The following STXBP5L variants were observed in gnomAD, a reference collection of about 807,000 sequenced individuals.
STXBP5L encodes syntaxin binding protein 5L, also known as syntaxin-binding protein 5-like.
STXBP5L carries 65 observed loss-of-function variants against 144.5 expected under a neutral mutation model. That is an observed-to-expected ratio of 0.45 (90% CI 0.37 to 0.55). The LOEUF (loss-of-function observed/expected upper bound fraction) is 0.55. Among genes scored for constraint, STXBP5L ranks in the 20% least tolerant of loss-of-function variants. The probability of loss-of-function intolerance (pLI) is 0.00; values close to 1 mark genes in which losing one functional copy is unlikely to be tolerated. For synonymous variants in STXBP5L, 505 were observed against 469.6 expected (o/e 1.08, Z -0.97); for missense variants, 1,298 against 1,405.5 (o/e 0.92, Z 1.22).
intron 5 of STXBP5L, among the ~76,000 whole-genome samples, chr3:121,064,475 A>G (rs1430433121): frequency 6.6e-6 from 1 of 152,186 alleles, no homozygotes; most frequent in African/African-American, 2.4e-5. Context: ...AAAATTCCAC[A>G]AACACCCTTG....
chr3:120,911,214 G>T (rs574702991), intron 2 of STXBP5L, among the ~76,000 whole-genome samples: 1 of 152,208 alleles, frequency 6.6e-6, no homozygotes. Context: ...AGGTCATAAA[G>T]CTTGTAGAGA....
intron 3 of STXBP5L, among the ~76,000 whole-genome samples, chr3:120,991,203 T>G (rs1358596889): frequency 6.6e-6 from 1 of 151,758 alleles, no homozygotes; most frequent in East Asian, 1.9e-4. Context: ...AAGAAGACAT[T>G]TATGCAGCCA....
chr3:121,083,321 A>G (rs760733095), intron 5 of STXBP5L, among the ~76,000 whole-genome samples: 6 of 152,176 alleles, frequency 3.9e-5, no homozygotes, highest in Non-Finnish European at 7.3e-5. Flanking sequence ...CTTTATTTAT[A>G]AATTTGAACG....
intron 19 of STXBP5L, chr3:121,282,267 C>A (rs754876025): frequency 1.1e-5 from 18 of 1,611,418 alleles, no homozygotes; most frequent in Non-Finnish European, 1.5e-5. Flanking sequence ...GTTCCAAAGA[C>A]AACTTTTGCA....
Position 121,114,912 on chromosome 3 carries a change from T to G in STXBP5L, c.471-13T>G. 4 of 1,464,708 alleles carry G rather than the reference T, an allele frequency of 2.7e-6. No homozygotes were observed. The highest frequency in any genetic ancestry group is 3.6e-6 in the Non-Finnish European group (4 of 1,103,190). 90.7% of individuals were successfully genotyped at this position (1,464,708 alleles called of 1,614,324 possible). A position where few individuals can be genotyped will look rare whatever the true frequency, so the allele number is the denominator to read the frequency against. On this transcript the variant is annotated splice_polypyrimidine_tract_variant and intron_variant, in intron 5 of 26. Coordinates refer to ENST00000471454, the MANE Select transcript of STXBP5L (RefSeq NM_001308330.2). ...AAATTTAGATATTTTAATTATAATT[T>G]TCTTTCTTTCAGAATTACTTACTGT...
chr3:121,005,133 C>G (rs1944168926), intron 3 of STXBP5L, among the ~76,000 whole-genome samples: 6 of 152,174 alleles, frequency 3.9e-5, no homozygotes, highest in Admixed American at 3.9e-4. Context: ...ATGTTACCAG[C>G]TCCTCCTTGT....
chr3:121,388,381 C>T (rs1174117384), intron 22 of STXBP5L, among the ~76,000 whole-genome samples: 2 of 152,156 alleles, frequency 1.3e-5, no homozygotes, highest in Non-Finnish European at 2.9e-5. Flanking sequence ...TAATTGAATA[C>T]CCCCTATTTC....
chr3:120,962,139 A>C (rs916726918), intron 3 of STXBP5L, among the ~76,000 whole-genome samples: 1 of 144,032 alleles, frequency 6.9e-6, no homozygotes, highest in Non-Finnish European at 1.5e-5. Flanking sequence ...TTTTCTGGTA[A>C]ATTTTTGTTT....
intron 3 of STXBP5L, among the ~76,000 whole-genome samples, chr3:121,008,685 A>T (rs1022641236): frequency 1.3e-5 from 2 of 152,018 alleles, no homozygotes; most frequent in African/African-American, 2.4e-5. Context: ...CTTTTAGCTT[A>T]TGTGATAATA....
chr3:120,944,803 A>G (rs1329334780), intron 2 of STXBP5L, among the ~76,000 whole-genome samples: 1 of 151,836 alleles, frequency 6.6e-6, no homozygotes, highest in East Asian at 1.9e-4. Flanking sequence ...CATATGCATT[A>G]TAGACCTTTT....
intron 5 of STXBP5L, among the ~76,000 whole-genome samples, chr3:121,071,529 G>A (rs558933704): frequency 6.6e-5 from 10 of 152,322 alleles, no homozygotes; most frequent in Non-Finnish European, 1.2e-4. Flanking sequence ...CACTGGTCCT[G>A]GATGGCAGCT....
At chr3:121,006,585 C>T (rs1330597865) in intron 3 of STXBP5L, among the ~76,000 whole-genome samples, 3 of 152,114 alleles carry the variant, frequency 2.0e-5, no homozygotes, top group Non-Finnish European at 4.4e-5. Context: ...GAATTTGATC[C>T]TGTCATTATG....
At chr3:121,093,586 G>A (rs898864941) in intron 5 of STXBP5L, among the ~76,000 whole-genome samples, 3 of 152,162 alleles carry the variant, frequency 2.0e-5, no homozygotes, top group African/African-American at 7.2e-5. Context: ...TTCGCTGATG[G>A]TAGTTTATAT....
At chr3:121,230,400 A>G (rs998331907) in intron 11 of STXBP5L, among the ~76,000 whole-genome samples, 2 of 151,532 alleles carry the variant, frequency 1.3e-5, no homozygotes, top group African/African-American at 4.9e-5. Context: ...TTATAAGCCA[A>G]TTTGGTACCA....
At chr3:121,343,594 T>C (rs1308047171) in intron 20 of STXBP5L, among the ~76,000 whole-genome samples, 1 of 152,132 alleles carries the variant, frequency 6.6e-6, no homozygotes, top group Non-Finnish European at 1.5e-5. Flanking sequence ...AGCATTCTTA[T>C]ACACCAATAA....
chr3:121,189,981 CT>C (rs1310378463), intron 9 of STXBP5L, among the ~76,000 whole-genome samples: 1 of 152,048 alleles, frequency 6.6e-6, no homozygotes, highest in Non-Finnish European at 1.5e-5. Context: ...CTTTAAGCAT[CT>C]TGGCATTCTG....
intron 18 of STXBP5L, among the ~76,000 whole-genome samples, chr3:121,273,706 G>A (rs1326319053): frequency 6.6e-6 from 1 of 151,874 alleles, no homozygotes; most frequent in Non-Finnish European, 1.5e-5. Flanking sequence ...GTGTTCTATA[G>A]GGTTTCTTTC....
intron 22 of STXBP5L, among the ~76,000 whole-genome samples, chr3:121,392,000 C>T (rs1210127810): frequency 2.0e-5 from 3 of 152,152 alleles, no homozygotes; most frequent in Non-Finnish European, 2.9e-5. Flanking sequence ...TCAGCTATGC[C>T]CTGCCCACAG....
chr3:121,353,060 G>A (rs985182953), intron 20 of STXBP5L, among the ~76,000 whole-genome samples: 1 of 152,174 alleles, frequency 6.6e-6, no homozygotes, highest in African/African-American at 2.4e-5. Context: ...TAAGCTTTTT[G>A]ATGTGGTGCT....
Sources: gnomAD v4.1 joint callset for allele counts (sites outside exome capture counted in the v4.1 genomes callset) on GRCh38, gnomAD v4.1.1 for gene constraint, MANE v1.5 for transcripts, NCBI Gene and HGNC (gene_info 2026-07-23, HGNC 2026-07-21) for gene names.